The following STPG2 variants were observed in gnomAD, a reference collection of about 807,000 sequenced individuals.
STPG2 encodes sperm-tail PG-rich repeat-containing protein 2.
In STPG2, 56 loss-of-function variants were observed where a neutral mutation model predicts 54.2. That is an observed-to-expected ratio of 1.03 (90% CI 0.83 to 1.29). The LOEUF is 1.29. Among genes scored for constraint, STPG2 ranks in the 50% most tolerant of loss-of-function variants. The probability of loss-of-function intolerance (pLI) is 0.00; values close to 1 mark genes in which losing one functional copy is unlikely to be tolerated. For missense variants in STPG2, 596 were observed against 544.9 expected (o/e 1.09, Z -0.93); for synonymous variants, 200 against 181.8 (o/e 1.10, Z -0.81).
chr4:98,031,250 C>A (rs902168149), intron 5 of STPG2, among the ~76,000 whole-genome samples: 1 of 152,126 alleles, frequency 6.6e-6, no homozygotes, highest in African/African-American at 2.4e-5. Flanking sequence ...TAAAAATCAA[C>A]TCAAGATTGA....
chr4:97,974,709 C>A (rs1208463650), intron 6 of STPG2, among the ~76,000 whole-genome samples: 1 of 152,122 alleles, frequency 6.6e-6, no homozygotes, highest in African/African-American at 2.4e-5. Flanking sequence ...GTGAGATGTG[C>A]CTTTTATCTT....
intron 5 of STPG2, among the ~76,000 whole-genome samples, chr4:98,022,217 T>C (rs1474776782): frequency 6.6e-6 from 1 of 152,124 alleles, no homozygotes; most frequent in Non-Finnish European, 1.5e-5. Context: ...GGTCTGGTGG[T>C]GACAAAATCT....
chr4:97,468,870 A>G (rs1729854730), intron 4 of STPG2, among the ~76,000 whole-genome samples: 1 of 152,060 alleles, frequency 6.6e-6, no homozygotes, highest in Admixed American at 6.6e-5. Context: ...TTATTTAGTC[A>G]GGCTACTTTA....
chr4:98,093,965 GA>G (rs1330841984), intron 5 of STPG2, among the ~76,000 whole-genome samples: 2 of 152,130 alleles, frequency 1.3e-5, no homozygotes, highest in African/African-American at 4.8e-5. Flanking sequence ...AAGTAAACTT[GA>G]AAGACAGTCT....
intron 4 of STPG2, among the ~76,000 whole-genome samples, chr4:97,476,285 T>C (rs1157053201): frequency 6.6e-6 from 1 of 152,142 alleles, no homozygotes; most frequent in Non-Finnish European, 1.5e-5. Flanking sequence ...CTAATATATC[T>C]AGTTTTATTT....
At chr4:97,788,344 G>T (rs1726889967) in intron 9 of STPG2, among the ~76,000 whole-genome samples, 1 of 151,862 alleles carries the variant, frequency 6.6e-6, no homozygotes. Flanking sequence ...TCTTTGCCTG[G>T]CTTATTTCAC....
intron 9 of STPG2, among the ~76,000 whole-genome samples, chr4:97,825,014 G>A (rs1349721173): frequency 6.6e-6 from 1 of 151,958 alleles, no homozygotes; most frequent in African/African-American, 2.4e-5. Flanking sequence ...CTAAAATCAG[G>A]TAATAAGAAA....
intron 5 of STPG2, among the ~76,000 whole-genome samples, chr4:98,043,796 G>A (rs907307992): frequency 5.3e-5 from 8 of 152,008 alleles, no homozygotes; most frequent in South Asian, 4.1e-4. Context: ...AGGTTTGGGA[G>A]TACATGTGCA....
In STPG2 at chr4:98,050,069, A is replaced by G. The variant is rs544081785; in HGVS notation, c.612+55884T>C. Among the ~76,000 whole-genome samples the G allele has an allele frequency of 4.6e-5, 7 of 152,330 alleles. No individual in the cohort carries two copies. In the South Asian group the frequency reaches 1.2e-3, roughly 27 times the overall value. On this transcript the variant is annotated intron_variant, in intron 5 of 10. Coordinates refer to ENST00000295268, the MANE Select transcript of STPG2 (RefSeq NM_174952.3). Reference sequence around the variant, plus strand: ...GAGAGGAAGCATATGTATTTTTACAAATTAAGAACTATATCAACCAATTAC... The same window carrying G: ...GAGAGGAAGCATATGTATTTTTACAGATTAAGAACTATATCAACCAATTAC...
intron 10 of STPG2, among the ~76,000 whole-genome samples, chr4:97,709,722 T>C (rs2149005164): frequency 1.3e-5 from 2 of 151,968 alleles, no homozygotes; most frequent in Admixed American, 6.6e-5. Context: ...GACTCGATCA[T>C]TGTATTTGAA....
At chr4:97,862,182 C>T (rs1729575018) in intron 8 of STPG2, among the ~76,000 whole-genome samples, 1 of 151,776 alleles carries the variant, frequency 6.6e-6, no homozygotes, top group Non-Finnish European at 1.5e-5. Flanking sequence ...AAACCCATCT[C>T]ACCTTTATTT....
intron 8 of STPG2, among the ~76,000 whole-genome samples, chr4:97,868,282 T>C (rs534145810): frequency 2.6e-5 from 4 of 151,952 alleles, no homozygotes; most frequent in Non-Finnish European, 5.9e-5. Flanking sequence ...TGGTGGATTA[T>C]TTCCTCATTG....
intron 10 of STPG2, among the ~76,000 whole-genome samples, chr4:97,638,188 T>C (rs1230929883): frequency 3.9e-5 from 6 of 152,068 alleles, no homozygotes; most frequent in East Asian, 3.9e-4. Context: ...GAAATAACAC[T>C]GCATATCTAC....
chr4:97,442,116 T>C (rs1481012489), intron 4 of STPG2, among the ~76,000 whole-genome samples: 1 of 152,004 alleles, frequency 6.6e-6, no homozygotes, highest in African/African-American at 2.4e-5. Context: ...TTGATGTCCA[T>C]TATGACTAGG....
chr4:97,991,331 CATAT>C (rs113634927), intron 5 of STPG2, among the ~76,000 whole-genome samples: 2 of 150,014 alleles, frequency 1.3e-5, no homozygotes, highest in African/African-American at 4.9e-5. Context: ...CACACATACA[CATAT>C]ATATATGTGT....
At chr4:98,013,209 C>T (rs943765075) in intron 5 of STPG2, among the ~76,000 whole-genome samples, 4 of 152,058 alleles carry the variant, frequency 2.6e-5, no homozygotes, top group African/African-American at 7.2e-5. Flanking sequence ...TTGAGATAAT[C>T]GTGTGGTTTT....
chr4:97,722,717 T>C (rs958807326), intron 9 of STPG2, among the ~76,000 whole-genome samples: 2 of 151,936 alleles, frequency 1.3e-5, no homozygotes, highest in Non-Finnish European at 2.9e-5. Context: ...TTGTATACTT[T>C]TTTCATTTTC....
intron 10 of STPG2, among the ~76,000 whole-genome samples, chr4:97,570,098 C>T (rs1732561005): frequency 6.6e-6 from 1 of 151,944 alleles, no homozygotes; most frequent in African/African-American, 2.4e-5. Context: ...AAGACAAAGC[C>T]TCTTTCAGAT....
chr4:97,524,355 G>A (rs1162290754), intron 4 of STPG2, among the ~76,000 whole-genome samples: 1 of 151,890 alleles, frequency 6.6e-6, no homozygotes. Context: ...TTGTAATGCA[G>A]AGTAAATAAA....
Sources: gnomAD v4.1 joint callset for allele counts (sites outside exome capture counted in the v4.1 genomes callset) on GRCh38, gnomAD v4.1.1 for gene constraint, MANE v1.5 for transcripts, NCBI Gene and HGNC (gene_info 2026-07-23, HGNC 2026-07-21) for gene names.